FAM81B: variants seen among roughly 807,000 people sequenced by gnomAD.
The protein encoded by FAM81B is protein FAM81B.
Under a neutral mutation model 58.7 loss-of-function variants are expected in FAM81B, and 60 were observed. That is an observed-to-expected ratio of 1.02 (90% confidence interval 0.83 to 1.27). The LOEUF (loss-of-function observed/expected upper bound fraction) is 1.27, where lower values mean the gene tolerates loss of function less well. Among genes scored for constraint, FAM81B ranks in the 50% most tolerant of loss-of-function variants. The pLI, the probability that FAM81B is intolerant of heterozygous loss-of-function variation, is 0.00. For synonymous variants in FAM81B, 189 were observed against 179.6 expected (o/e 1.05, Z -0.42); for missense variants, 491 against 522.0 (o/e 0.94, Z 0.58).
intron 5 of FAM81B, among the ~76,000 whole-genome samples, chr5:95,425,574 T>C (rs1762802290): frequency 1.3e-5 from 2 of 152,264 alleles, no homozygotes; most frequent in South Asian, 2.1e-4. Context: ...GCTTTTAAAA[T>C]CTGGATGACA....
At chr5:95,393,917 T>A (rs1247710037) in intron 2 of FAM81B, among the ~76,000 whole-genome samples, 1 of 152,168 alleles carries the variant, frequency 6.6e-6, no homozygotes, top group Non-Finnish European at 1.5e-5. Flanking sequence ...TGTGAGACAG[T>A]TTTTATATAT....
chr5:95,446,894 G>A (rs1488060444), intron 8 of FAM81B, among the ~76,000 whole-genome samples, 197 bp downstream of exon 8: 1 of 150,276 alleles, frequency 6.7e-6, no homozygotes, highest in Non-Finnish European at 1.5e-5. Flanking sequence ...CTGCAAACCT[G>A]TGTTTCTCAG....
rs930281184 is a variant in FAM81B at position 95,391,441 on chromosome 5, TCA to T, written c.55_56del (p.Gln19GlufsTer13). On this transcript the variant is annotated frameshift_variant, in exon 1 of 10. Transcript: ENST00000283357. LOFTEE classifies it high-confidence loss of function. ...TLASSEKRKK[S>X]QRLFFKNIKS... Reference sequence around the variant, plus strand: ...GGCTTCCTCAGAAAAAAGAAAAAAATCACAGAGATTGTTTTTCAAAAATATCA... The same window carrying T: ...GGCTTCCTCAGAAAAAAGAAAAAAATCAGAGATTGTTTTTCAAAAATATCA... 1.2e-6 allele frequency: 2 copies of T among 1,613,532 alleles called. No homozygotes were observed. Among genetic ancestry groups the T allele is most frequent in the Admixed American group, 3.3e-5 (2 of 59,918 alleles).
chr5:95,431,759 A>T (rs1744903030), intron 6 of FAM81B, among the ~76,000 whole-genome samples: 3 of 151,958 alleles, frequency 2.0e-5, no homozygotes, highest in African/African-American at 7.2e-5. Flanking sequence ...ATGCCCTCTA[A>T]TTCATTGTTA....
chr5:95,399,794 T>A (rs1007559220), intron 3 of FAM81B, among the ~76,000 whole-genome samples: 3 of 152,132 alleles, frequency 2.0e-5, no homozygotes, highest in Non-Finnish European at 2.9e-5. Context: ...GAAAGGTGAC[T>A]TGGTGAAAAA....
chr5:95,400,243 T>C (rs1328597224), intron 3 of FAM81B, among the ~76,000 whole-genome samples: 1 of 152,194 alleles, frequency 6.6e-6, no homozygotes, highest in East Asian at 1.9e-4. Flanking sequence ...TGGTTCCTTC[T>C]GAGGGCTCCA....
chr5:95,428,679 A>G lies in FAM81B; in HGVS notation c.733A>G (p.Ile245Val), dbSNP rs778993418. ...AGAGCACCGGCAAATTGAGAAAGCC[A>G]TTCAAGAATTCGTGCCCGCCCTGGA... ...RQEHRQIEKAIQEFVPALETL... is the reference protein window; with the variant it reads ...RQEHRQIEKAVQEFVPALETL... The change falls in exon 6 of 10, where the codon ATT becomes GTT. Residue 245 changes from isoleucine to valine, a missense_variant. By Grantham distance (29) the Ile-to-Val change is conservative. Coordinates refer to ENST00000283357, the MANE Select transcript of FAM81B (RefSeq NM_152548.3). 1 of 1,614,034 alleles carries G rather than the reference A, an allele frequency of 6.2e-7. No homozygotes were observed.
In FAM81B at chr5:95,424,509, G is replaced by A. The variant is rs138697018; in HGVS notation, c.657-4094G>A. On this transcript the variant is annotated intron_variant, in intron 5 of 9. Transcript: ENST00000283357. ...CACATGTAATTTGGCCCTTCCAAAA[G>A]CCCCATTGAATCTACAGTAAAAAGA... 5.5e-3 allele frequency among the ~76,000 whole-genome samples: 824 copies of A among 148,934 alleles called. 4 individuals are homozygous for A. Among genetic ancestry groups the A allele is most frequent in the South Asian group, 0.011 (50 of 4,702 alleles).
intron 5 of FAM81B, chr5:95,424,181 T>C (rs900125057): frequency 7.8e-7 from 1 of 1,289,788 alleles, no homozygotes; most frequent in East Asian, 5.5e-5. Context: ...CACTCACTGA[T>C]CCTCTGCAGG....
In FAM81B at chr5:95,414,043, A is replaced by G; in HGVS notation, c.390A>G (p.Glu130=). 6.2e-7 allele frequency: 1 copy of G among 1,614,070 alleles called. No homozygotes were observed. The highest frequency in any genetic ancestry group is 8.5e-7 in the Non-Finnish European group (1 of 1,179,996). The part of the protein sequence containing the change: ...NQARTIAFLL[E]QAFRIKEDIS... The stretch of plus-strand genomic sequence containing the variant: ...CGCGTACCATAGCTTTCCTTCTTGA[A>G]CAAGCCTTCCGCATCAAGGAGGACA... Residue 130 remains glutamate, a synonymous_variant, in exon 4 of 10, where the codon GAA becomes GAG. Transcript: ENST00000283357.
rs534684550 is a variant in FAM81B at position 95,396,238 on chromosome 5, C to T, written c.293+63C>T. 77 of 1,289,270 alleles carry T rather than the reference C, an allele frequency of 6.0e-5. 1 individual carries two copies. The Middle Eastern group carries it at 1.3e-3, about 21-fold the overall frequency. 79.9% of individuals were successfully genotyped at this position (1,289,270 alleles called of 1,614,324 possible). On this transcript the variant is annotated intron_variant, in intron 3 of 9. Coordinates refer to ENST00000283357, the MANE Select transcript of FAM81B (RefSeq NM_152548.3). ...TGCATTTATTGTGACAAATCTCACA[C>T]GCAAAAAAGAAAAAATCCTGTGTTT...
intron 4 of FAM81B, among the ~76,000 whole-genome samples, chr5:95,414,545 G>A (rs529252665): frequency 3.5e-4 from 54 of 152,198 alleles, no homozygotes; most frequent in Non-Finnish European, 6.9e-4. Context: ...CATCAGTAAC[G>A]CTCCATTGTA....
chr5:95,435,015 T>C (rs977172051), intron 6 of FAM81B, among the ~76,000 whole-genome samples: 10 of 152,204 alleles, frequency 6.6e-5, no homozygotes, highest in South Asian at 2.1e-4. Flanking sequence ...GTGAAAAAGA[T>C]GGAGAAAGAA....
At position 95,436,821 on chromosome 5, in the gene FAM81B, A is replaced by G; in HGVS notation, c.808A>G (p.Ile270Val). The change falls in exon 7 of 10, where the codon ATA becomes GTA. Residue 270 changes from isoleucine to valine, a missense_variant. Physicochemically the swap from Ile to Val is conservative, Grantham distance 29. Transcript: ENST00000283357. ...DMKVMQLLGK[I>V]ETASSEQTSN... The stretch of plus-strand genomic sequence containing the variant: ...CTAGGTGATGCAGCTCTTAGGAAAG[A>G]TAGAAACTGCCAGTTCTGAGCAAAC... The G allele has an allele frequency of 6.2e-7, 1 of 1,613,750 alleles. No homozygotes were observed. Among genetic ancestry groups the G allele is most frequent in the Non-Finnish European group, 8.5e-7 (1 of 1,179,628 alleles).
intron 3 of FAM81B, among the ~76,000 whole-genome samples, chr5:95,412,064 C>T (rs1326723324): frequency 6.6e-6 from 1 of 151,796 alleles, no homozygotes; most frequent in Non-Finnish European, 1.5e-5. Flanking sequence ...ACATTATGGG[C>T]AATTGCCTGG....
intron 7 of FAM81B, among the ~76,000 whole-genome samples, chr5:95,437,441 T>G (rs1328854856): frequency 6.6e-6 from 1 of 152,208 alleles, no homozygotes; most frequent in Non-Finnish European, 1.5e-5. Flanking sequence ...GTCTCCTGGG[T>G]TCACGCCATT....
chr5:95,399,480 G>GTC (rs1554042552), intron 3 of FAM81B, among the ~76,000 whole-genome samples: 1 of 149,910 alleles, frequency 6.7e-6, no homozygotes, highest in African/African-American at 2.5e-5. Flanking sequence ...TTCTTTTCAT[G>GTC]CCCCCCCCCA....
At chr5:95,402,379 G>T (rs945138892) in intron 3 of FAM81B, among the ~76,000 whole-genome samples, 9 of 152,232 alleles carry the variant, frequency 5.9e-5, no homozygotes, top group African/African-American at 2.2e-4. Context: ...CCATCATTTG[G>T]TGCTTCATTA....
At chr5:95,427,688 C>G (rs1428201485) in intron 5 of FAM81B, among the ~76,000 whole-genome samples, 1 of 152,096 alleles carries the variant, frequency 6.6e-6, no homozygotes, top group Non-Finnish European at 1.5e-5. Context: ...ACAGTCAAAA[C>G]AGTTATTTTA....
Sources: gnomAD v4.1 joint callset for allele counts (sites outside exome capture counted in the v4.1 genomes callset) on GRCh38, gnomAD v4.1.1 for gene constraint, MANE v1.5 for transcripts, NCBI Gene and HGNC (gene_info 2026-07-23, HGNC 2026-07-21) for gene names.